RGS6: variants seen among roughly 807,000 people sequenced by gnomAD.
The protein encoded by RGS6 is regulator of G-protein signaling 6.
A neutral mutation model predicts 78.5 loss-of-function variants in RGS6; 30 were observed. That is an observed-to-expected ratio of 0.38 (90% confidence interval 0.29 to 0.52). The LOEUF (loss-of-function observed/expected upper bound fraction) is 0.52, where lower values mean the gene tolerates loss of function less well. Ranked by LOEUF, RGS6 falls within the 20% of genes least tolerant of loss-of-function variation. The pLI is 0.85. For synonymous variants in RGS6, 206 were observed against 206.0 expected (o/e 1.00, Z 0.00); for missense variants, 495 against 609.7 (o/e 0.81, Z 1.98).
intron 2 of RGS6, among the ~76,000 whole-genome samples, chr14:72,241,173 A>G (rs1258722550): frequency 1.3e-5 from 2 of 149,212 alleles, no homozygotes; most frequent in Non-Finnish European, 3.0e-5. Flanking sequence ...AAAAAAAAAC[A>G]AAACTTATGC....
Position 72,301,587 on chromosome 14 carries a change from A to G in RGS6, c.85-50508A>G, listed in dbSNP as rs562947393. Among the ~76,000 whole-genome samples, 49 of 152,294 alleles carry G rather than the reference A, an allele frequency of 3.2e-4. No individual in the cohort carries two copies. The East Asian group carries it at 6.0e-3, about 19-fold the overall frequency. ...GCTAGGGCTGTCACAACGAAGTACCACAAACTGAGTCACCTAAACAGAAAT... is the reference window on the plus strand; with the variant it reads ...GCTAGGGCTGTCACAACGAAGTACCGCAAACTGAGTCACCTAAACAGAAAT... On this transcript the variant is annotated intron_variant, in intron 2 of 17. Coordinates refer to ENST00000553525, the MANE Select transcript of RGS6 (RefSeq NM_001204424.2).
the RGS6 span, among the ~76,000 whole-genome samples, chr14:72,591,613 C>G: frequency 6.6e-6 from 1 of 152,130 alleles, no homozygotes; most frequent in South Asian, 2.1e-4. Flanking sequence ...TAATTGAGCC[C>G]GTTCAGCTTC....
At chr14:72,515,366 T>G (rs1448538634) in intron 14 of RGS6, among the ~76,000 whole-genome samples, 2 of 152,234 alleles carry the variant, frequency 1.3e-5, no homozygotes, top group Admixed American at 1.3e-4. Context: ...CATAAAAGTT[T>G]ATTAAATTTG....
chr14:72,034,954 C>G (rs2091464850), intron 2 of RGS6, among the ~76,000 whole-genome samples: 1 of 152,148 alleles, frequency 6.6e-6, no homozygotes, highest in African/African-American at 2.4e-5. Context: ...AAACAATAAG[C>G]TTTAAATTGC....
At chr14:72,053,738 G>C (rs1596701260) in intron 2 of RGS6, among the ~76,000 whole-genome samples, 6 of 152,312 alleles carry the variant, frequency 3.9e-5, no homozygotes, top group Admixed American at 3.9e-4. Flanking sequence ...ATTAATAAGA[G>C]CCTTGTTGTG....
intron 2 of RGS6, among the ~76,000 whole-genome samples, chr14:72,144,877 A>G (rs1419113739): frequency 6.6e-6 from 1 of 152,104 alleles, no homozygotes; most frequent in African/African-American, 2.4e-5. Flanking sequence ...CCAGCTGTGC[A>G]GGAATGAGAG....
chr14:72,128,109 GCAGGACTTTTAAAAAACA>G (rs1003621113), intron 2 of RGS6, among the ~76,000 whole-genome samples: 2 of 152,070 alleles, frequency 1.3e-5, no homozygotes, highest in Non-Finnish European at 2.9e-5. Context: ...AAAAAAGCAA[GCAGGACTTTTAAAAAACA>G]CACTTATAGA....
intron 2 of RGS6, among the ~76,000 whole-genome samples, chr14:71,993,001 G>C (rs970268376): frequency 1.3e-5 from 2 of 152,070 alleles, no homozygotes; most frequent in Non-Finnish European, 2.9e-5. Context: ...GGACTTCTGT[G>C]GTTTTTAAGT....
At position 72,495,245 on chromosome 14, in the gene RGS6, G is replaced by C. The variant is rs543194066; in HGVS notation, c.948G>C (p.Leu316Phe). ...CTTGGATCAGCGATGACGTTGCTTTGTGGGACATAGAGATGAGGTAAAAAA... is the reference window on the plus strand; with the variant it reads ...CTTGGATCAGCGATGACGTTGCTTTCTGGGACATAGAGATGAGGTAAAAAA... ...SNPWISDDVA[L>F]WDIEMSKEPS... Residue 316 changes from leucine to phenylalanine, a missense_variant, in exon 13 of 18, where the codon TTG (leucine) becomes TTC (phenylalanine). Leu to Phe is a conservative substitution (Grantham distance 22). Coordinates refer to ENST00000553525, the MANE Select transcript of RGS6 (RefSeq NM_001204424.2). 4.9e-5 allele frequency: 79 copies of C among 1,611,540 alleles called. No individual in the cohort carries two copies. The highest frequency in any genetic ancestry group is 6.4e-5 in the Non-Finnish European group (75 of 1,177,780).
intron 2 of RGS6, among the ~76,000 whole-genome samples, chr14:72,200,038 C>T (rs1451675243): frequency 6.6e-6 from 1 of 152,188 alleles, no homozygotes; most frequent in Non-Finnish European, 1.5e-5. Flanking sequence ...CATTTCTGCA[C>T]TGTGCTTTCA....
At chr14:72,297,923 G>C (rs2065203239) in intron 2 of RGS6, among the ~76,000 whole-genome samples, 1 of 150,858 alleles carries the variant, frequency 6.6e-6, no homozygotes, top group African/African-American at 2.5e-5. Context: ...TCTTTATGTA[G>C]AAGGTTTTTT....
intron 2 of RGS6, among the ~76,000 whole-genome samples, chr14:72,087,431 G>A (rs746591893): frequency 6.6e-6 from 1 of 151,756 alleles, no homozygotes; most frequent in Non-Finnish European, 1.5e-5. Context: ...GCACCTGGCC[G>A]AAATGCATAT....
intron 2 of RGS6, among the ~76,000 whole-genome samples, chr14:72,189,596 T>C (rs1051764140): frequency 3.9e-5 from 6 of 152,056 alleles, no homozygotes; most frequent in African/African-American, 1.4e-4. Context: ...TGATTTTTAT[T>C]AACAAGAACT....
chr14:72,039,813 A>ATTTTTTTTTTTTTTTTTTTTTTTGTTT, intron 2 of RGS6, among the ~76,000 whole-genome samples: 1 of 68,924 alleles, frequency 1.5e-5, no homozygotes, highest in Admixed American at 1.6e-4. Flanking sequence ...TGTTTCATTG[A>ATTTTTTTTTTTTTTTTTTTTTTTGTTT]TTTTTTTTTT....
chr14:71,929,504 A>C (rs747869479), upstream of RGS6, among the ~76,000 whole-genome samples: 1 of 152,172 alleles, frequency 6.6e-6, no homozygotes, highest in Non-Finnish European at 1.5e-5. Flanking sequence ...ATTTATGTAA[A>C]ATTTTACCAG....
chr14:72,399,190 G>A (rs944360458), intron 3 of RGS6, among the ~76,000 whole-genome samples: 7 of 148,178 alleles, frequency 4.7e-5, no homozygotes, highest in South Asian at 2.1e-4. Context: ...GTCACTAAGG[G>A]CTTGCTTTAT....
intron 2 of RGS6, among the ~76,000 whole-genome samples, chr14:71,969,444 A>T (rs2093686234): frequency 6.6e-6 from 1 of 152,194 alleles, no homozygotes; most frequent in Non-Finnish European, 1.5e-5. Context: ...GTCAGGAGGC[A>T]TGGAAGACAT....
intron 2 of RGS6, among the ~76,000 whole-genome samples, chr14:72,062,674 T>C (rs1329098777): frequency 6.6e-6 from 1 of 152,204 alleles, no homozygotes; most frequent in East Asian, 1.9e-4. Flanking sequence ...ATGAGGAGAA[T>C]GTTCAAGATG....
At chr14:72,287,745 A>G (rs1348515520) in intron 2 of RGS6, among the ~76,000 whole-genome samples, 1 of 152,256 alleles carries the variant, frequency 6.6e-6, no homozygotes, top group South Asian at 2.1e-4. Context: ...GGCATGAGCC[A>G]CCACGCCCAG....
Sources: gnomAD v4.1 joint callset for allele counts (sites outside exome capture counted in the v4.1 genomes callset) on GRCh38, gnomAD v4.1.1 for gene constraint, MANE v1.5 for transcripts, NCBI Gene and HGNC (gene_info 2026-07-23, HGNC 2026-07-21) for gene names.